PCDH11X: variants seen among roughly 807,000 people sequenced by gnomAD.
PCDH11X encodes the protein protocadherin 11 X-linked.
Under a neutral mutation model 53.3 loss-of-function variants are expected in PCDH11X, and 18 were observed. The ratio of observed to expected loss-of-function variants is 0.34; its 90% CI spans 0.23 to 0.50. The LOEUF is 0.50. Ranked by LOEUF, PCDH11X falls within the 20% of genes least tolerant of loss-of-function variation. The pLI is 0.98. For synonymous variants in PCDH11X, 279 were observed against 393.3 expected, an observed-to-expected ratio of 0.71 and a Z score of 3.44; for missense variants, 570 against 1,032.4, an observed-to-expected ratio of 0.55 and a Z score of 6.14.
intron 8 of PCDH11X, among the ~76,000 whole-genome samples, chrX:92,326,486 TG>T (rs2069332195): frequency 9.9e-6 from 1 of 100,847 alleles, no homozygotes; most frequent in Non-Finnish European, 2.0e-5. Context: ...CTTTTGATGG[TG>T]GAATGGCAAG....
At chrX:92,363,754 C>T (rs906516484) in intron 8 of PCDH11X, among the ~76,000 whole-genome samples, 15 of 111,336 alleles carry the variant, frequency 1.3e-4, no homozygotes, top group African/African-American at 4.9e-4. Flanking sequence ...GGAAATCTTA[C>T]AGACAGTCAC....
In PCDH11X at chrX:91,818,279, C is replaced by G. The variant is rs755133538; in HGVS notation, c.-45+6984C>G. ...TCTTTATTTTCTTTTTTCGTAATCTCTTTTTCTAAACCAATGTGAGATCAA... is the reference window on the plus strand; with the variant it reads ...TCTTTATTTTCTTTTTTCGTAATCTGTTTTTCTAAACCAATGTGAGATCAA... On this transcript the variant is annotated intron_variant, in intron 4 of 10. Coordinates refer to ENST00000682573, the MANE Select transcript of PCDH11X (RefSeq NM_032968.5). 4.5e-5 allele frequency among the ~76,000 whole-genome samples: 5 copies of G among 111,077 alleles called. No individual in the cohort carries two copies. The East Asian group carries it at 1.4e-3, about 31-fold the overall frequency.
chrX:92,568,201 C>T (rs1415615859), intron 10 of PCDH11X, among the ~76,000 whole-genome samples: 1 of 110,007 alleles, frequency 9.1e-6, no homozygotes, highest in Non-Finnish European at 1.9e-5. Context: ...GCGGGCAGAT[C>T]ACTAGGTCAG....
chrX:92,504,725 T>C (rs889621549), intron 10 of PCDH11X, among the ~76,000 whole-genome samples: 1 of 112,437 alleles, frequency 8.9e-6, no homozygotes, highest in African/African-American at 3.2e-5. Flanking sequence ...ATCACCAAAC[T>C]GCTTTTCACA....
intron 1 of PCDH11X, among the ~76,000 whole-genome samples, chrX:91,784,036 CT>C (rs1238534910): frequency 1.8e-5 from 2 of 112,001 alleles, no homozygotes; most frequent in African/African-American, 3.2e-5. Context: ...AGGTCATGCC[CT>C]GTACAGAATA....
chrX:92,591,214 A>G (rs1387253648), intron 10 of PCDH11X, among the ~76,000 whole-genome samples: 1 of 110,441 alleles, frequency 9.1e-6, no homozygotes, highest in African/African-American at 3.3e-5. Context: ...TTGTGACTAT[A>G]GTGCAGTGAG....
At chrX:92,259,074 T>C (rs2067659663) in intron 7 of PCDH11X, among the ~76,000 whole-genome samples, 1 of 110,541 alleles carries the variant, frequency 9.0e-6, no homozygotes, top group African/African-American at 3.3e-5. Context: ...CATATCACCA[T>C]CAGTAATTTG....
At position 92,620,678 on chromosome X, in the gene PCDH11X, C is replaced by T. The variant is rs761259357; in HGVS notation, c.*1738C>T. On this transcript the variant is annotated 3_prime_UTR_variant, in exon 11 of 11. Transcript: ENST00000682573. Reference sequence around the variant, plus strand: ...TTCATGTGCCCAGCAGGTTAAGTAGCGTTTTCAGAATATACATTATTCCCA... The same window carrying T: ...TTCATGTGCCCAGCAGGTTAAGTAGTGTTTTCAGAATATACATTATTCCCA... 1.6e-4 allele frequency: 18 copies of T among 111,041 alleles called. 1 individual carries two copies. The highest frequency in any genetic ancestry group is 1.1e-3 in the Admixed American group (11 of 10,370). 9.2% of individuals were successfully genotyped at this position (111,041 alleles called of 1,213,427 possible). A position where few individuals can be genotyped will look rare whatever the true frequency, so the allele number is the denominator to read the frequency against.
chrX:92,428,742 A>G (rs1368776795), intron 9 of PCDH11X, among the ~76,000 whole-genome samples: 1 of 111,341 alleles, frequency 9.0e-6, no homozygotes, highest in Non-Finnish European at 1.9e-5. Flanking sequence ...TATACTTAAT[A>G]TGACTAAATA....
intron 8 of PCDH11X, among the ~76,000 whole-genome samples, chrX:92,282,237 G>A (rs2068266041): frequency 9.0e-6 from 1 of 111,331 alleles, no homozygotes; most frequent in African/African-American, 3.3e-5. Flanking sequence ...AAATGACTAA[G>A]TTAGATATTT....
rs369058222 is a variant in PCDH11X at position 92,560,972 on chromosome X, C to T, written c.3368-57292C>T. On this transcript the variant is annotated intron_variant, in intron 10 of 10. Transcript: ENST00000682573. ...GGAGGTGCTTGCATCACAACATCCC[C>T]GGCCTCACATGGCTCAACACAGAAA... Among the ~76,000 whole-genome samples the T allele has an allele frequency of 1.7e-3, 181 of 104,211 alleles. 2 individuals are homozygous for T. The East Asian group carries it at 0.046, about 27-fold the overall frequency. The allele number at this position is 104,211 out of a possible 115,157, so 90.5% of individuals were successfully genotyped here.
intron 6 of PCDH11X, among the ~76,000 whole-genome samples, chrX:91,932,953 C>T (rs969605662): frequency 1.9e-5 from 2 of 106,461 alleles, no homozygotes; most frequent in African/African-American, 6.8e-5. Flanking sequence ...CTGGAATTAC[C>T]CACCTTTAGT....
At chrX:92,358,765 G>A (rs1162048047) in intron 8 of PCDH11X, among the ~76,000 whole-genome samples, 1 of 105,373 alleles carries the variant, frequency 9.5e-6, no homozygotes, top group Non-Finnish European at 1.9e-5. Context: ...TTCCACCTCT[G>A]TTAGTTTCTT....
intron 9 of PCDH11X, among the ~76,000 whole-genome samples, chrX:92,449,104 T>C (rs1403027551): frequency 8.9e-6 from 1 of 112,029 alleles, no homozygotes; most frequent in Non-Finnish European, 1.9e-5. Context: ...CTAAATTGAT[T>C]CAGAAAAGAT....
intron 10 of PCDH11X, among the ~76,000 whole-genome samples, chrX:92,568,507 G>A (rs1338023323): frequency 1.9e-5 from 2 of 107,842 alleles, no homozygotes; most frequent in Non-Finnish European, 3.8e-5. Context: ...TAACAATAAA[G>A]CAAATTTCTC....
rs185645002 is a variant in PCDH11X, at chrX:92,100,808, A to G, written c.3034-100567A>G. 5.8e-3 allele frequency among the ~76,000 whole-genome samples: 647 copies of G among 110,827 alleles called. 5 individuals carry two copies. The highest frequency in any genetic ancestry group is 8.5e-3 in the Non-Finnish European group (453 of 53,022). ...GACGATGTTTCTCAGGGCTGCTTCA[A>G]GCGGGATCAGGGGCAGTGTGGGAAC... On this transcript the variant is annotated intron_variant, in intron 6 of 10. Transcript: ENST00000682573.
intron 8 of PCDH11X, among the ~76,000 whole-genome samples, chrX:92,332,926 C>T (rs1447267108): frequency 8.9e-6 from 1 of 111,858 alleles, no homozygotes; most frequent in African/African-American, 3.3e-5. Flanking sequence ...GGGTTAGACC[C>T]AGTGGAAACT....
chrX:92,557,698 A>C (rs772105216), intron 10 of PCDH11X, among the ~76,000 whole-genome samples: 3 of 108,591 alleles, frequency 2.8e-5, no homozygotes, highest in African/African-American at 1.0e-4. Flanking sequence ...AGAGCCCTCC[A>C]AGCTGTTTCA....
At chrX:92,000,107 G>A (rs2062485159) in intron 6 of PCDH11X, among the ~76,000 whole-genome samples, 1 of 111,005 alleles carries the variant, frequency 9.0e-6, no homozygotes, top group African/African-American at 3.3e-5. Context: ...ATATGACCAG[G>A]GCTGGATCAT....
Sources: allele counts gnomAD v4.1 joint callset (sites outside exome capture counted in the v4.1 genomes callset), GRCh38; gene constraint gnomAD v4.1.1; transcripts MANE v1.5; gene names NCBI Gene and HGNC (gene_info 2026-07-23, HGNC 2026-07-21).